The following HK2 variants were observed in gnomAD, a reference collection of about 807,000 sequenced individuals.
HK2 encodes hexokinase-2.
Under a neutral mutation model 92.9 loss-of-function variants are expected in HK2, and 42 were observed. The observed-to-expected ratio is 0.45, with a 90% CI of 0.35 to 0.58. The LOEUF (loss-of-function observed/expected upper bound fraction) is 0.58. Ranked by LOEUF, HK2 falls within the 20% of genes least tolerant of loss-of-function variation. HK2 has a pLI of 0.00. For synonymous variants in HK2, 422 were observed against 468.0 expected (o/e 0.90, Z 1.27); for missense variants, 978 against 1,245.1 (o/e 0.79, Z 3.23).
intron 4 of HK2, among the ~76,000 whole-genome samples, 156 bp downstream of exon 4, chr2:74,872,575 G>C (rs185371448): frequency 5.0e-5 from 7 of 140,182 alleles, no homozygotes; most frequent in Non-Finnish European, 7.7e-5. Flanking sequence ...TCGATGGGGG[G>C]GCTGGTGAAG....
chr2:74,850,595 C>G (rs1388592118), intron 1 of HK2, among the ~76,000 whole-genome samples: 1 of 152,184 alleles, frequency 6.6e-6, no homozygotes, highest in African/African-American at 2.4e-5. Context: ...GTGTGTACAT[C>G]TGCTATCACC....
chr2:74,864,039 T>C (rs142930964), intron 2 of HK2, among the ~76,000 whole-genome samples: 5 of 152,180 alleles, frequency 3.3e-5, no homozygotes, highest in Non-Finnish European at 7.4e-5. Context: ...GAAAGTCCCA[T>C]GTCATAGGAA....
At chr2:74,876,963 A>C (rs1689247740) in intron 7 of HK2, among the ~76,000 whole-genome samples, 1 of 152,160 alleles carries the variant, frequency 6.6e-6, no homozygotes, top group South Asian at 2.1e-4. Context: ...TCTTCTCCAT[A>C]GGTCAAGGCC....
At chr2:74,847,469 G>A (rs1457861887) in intron 1 of HK2, among the ~76,000 whole-genome samples, 1 of 152,142 alleles carries the variant, frequency 6.6e-6, no homozygotes, top group Non-Finnish European at 1.5e-5. Flanking sequence ...CTTAAGGCCA[G>A]GAGTTTGAGA....
At chr2:74,884,457 C>T (rs1689473572) in intron 12 of HK2, among the ~76,000 whole-genome samples, 1 of 152,238 alleles carries the variant, frequency 6.6e-6, no homozygotes, top group Admixed American at 6.5e-5. Flanking sequence ...TTTGAACATC[C>T]CGTAAACACA....
At chr2:74,849,509 G>T (rs1688517246) in intron 1 of HK2, among the ~76,000 whole-genome samples, 1 of 152,186 alleles carries the variant, frequency 6.6e-6, no homozygotes. Flanking sequence ...AGCCTGGAAT[G>T]CCCCCTCCTC....
chr2:74,855,053 A>G (rs1401693253), intron 2 of HK2, among the ~76,000 whole-genome samples: 4 of 152,152 alleles, frequency 2.6e-5, no homozygotes, highest in Non-Finnish European at 5.9e-5. Flanking sequence ...CTGGCGTGCA[A>G]TGATGCGATC....
intron 6 of HK2, 90 bp from the exon 7 acceptor site, chr2:74,874,176 C>A: frequency 6.6e-7 from 1 of 1,523,452 alleles, no homozygotes. Context: ...GCCATCCTGG[C>A]CGGGCAGTCT....
At chr2:74,890,542 C>G (rs374720010) in intron 17 of HK2, among the ~76,000 whole-genome samples, 2 of 152,230 alleles carry the variant, frequency 1.3e-5, no homozygotes, top group South Asian at 2.1e-4. Flanking sequence ...ACGTTTGTCC[C>G]AGAATTGAAT....
intron 1 of HK2, among the ~76,000 whole-genome samples, chr2:74,837,166 A>G (rs937619729): frequency 6.6e-5 from 10 of 152,240 alleles, no homozygotes; most frequent in African/African-American, 2.4e-4. Context: ...TGTTATTAGC[A>G]TCCCTGTTTA....
chr2:74,866,616 G>A (rs964489711), intron 2 of HK2, among the ~76,000 whole-genome samples: 3 of 152,194 alleles, frequency 2.0e-5, no homozygotes, highest in Non-Finnish European at 4.4e-5. Context: ...TTCCTGGAGG[G>A]TAGGAACTGC....
Position 74,885,572 on chromosome 2 carries a change from G to A in HK2, c.1918G>A (p.Ala640Thr). 2 of 1,613,180 alleles carry A rather than the reference G, an allele frequency of 1.2e-6. No homozygotes were observed. Among genetic ancestry groups the A allele is most frequent in the Non-Finnish European group, 1.7e-6 (2 of 1,179,134 alleles). The part of the protein sequence containing the change: ...GEDVVTLLKE[A>T]IHRREEFDLD... ...GGACGTGGTGACCCTGCTGAAGGAA[G>A]CGATCCACCGGCGAGAGGTAGGAGA... The change falls in exon 13 of 18, where the codon GCG becomes ACG. Residue 640 changes from alanine to threonine, a missense_variant. Transcript: ENST00000290573.
chr2:74,857,140 C>T (rs1179952875), intron 2 of HK2, among the ~76,000 whole-genome samples: 1 of 152,146 alleles, frequency 6.6e-6, no homozygotes. Flanking sequence ...TGCAGGAAAC[C>T]CACACCTAAT....
chr2:74,845,623 G>A (rs1382657146), intron 1 of HK2, among the ~76,000 whole-genome samples: 2 of 152,240 alleles, frequency 1.3e-5, no homozygotes, highest in African/African-American at 2.4e-5. Context: ...TCAGCTCTGC[G>A]CTTACCCGCT....
In HK2 at chr2:74,893,100, C is replaced by T. The variant is rs1316471328; in HGVS notation, c.*2159C>T. The T allele has an allele frequency of 6.8e-6, 1 of 148,130 alleles. No homozygotes were observed. The highest frequency in any genetic ancestry group is 2.5e-5 in the African/African-American group (1 of 40,042). The allele number at this position is 148,130 out of a possible 1,614,324, so 9.2% of individuals were successfully genotyped here. ...GTATTAAAGATGTGTTGTTGGTTTC[C>T]AAAAAGGAACACTGGAAAATAAATT... On this transcript the variant is annotated 3_prime_UTR_variant, in exon 18 of 18. Coordinates refer to ENST00000290573, the MANE Select transcript of HK2 (RefSeq NM_000189.5).
intron 1 of HK2, among the ~76,000 whole-genome samples, chr2:74,836,194 A>C (rs1206699899): frequency 6.6e-6 from 1 of 152,200 alleles, no homozygotes; most frequent in African/African-American, 2.4e-5. Context: ...TAAAATACAC[A>C]GTGGAGCGTC....
intron 15 of HK2, 151 bp from the exon 16 acceptor site, chr2:74,887,752 C>G (rs868328814): frequency 1.3e-6 from 1 of 750,136 alleles, no homozygotes; most frequent in Non-Finnish European, 2.4e-6. Flanking sequence ...GGATCCTGCC[C>G]AAGTGAATCA....
In HK2 at chr2:74,873,848, T is replaced by A; in HGVS notation, c.596T>A (p.Phe199Tyr). The change falls in exon 6 of 18, where the codon TTT becomes TAT. Residue 199 changes from phenylalanine (F) to tyrosine (Y), a missense_variant. This residue lies in a region of HK2 where 189 missense variants were observed against 289.5 expected (regional missense o/e 0.65). Coordinates refer to ENST00000290573, the MANE Select transcript of HK2 (RefSeq NM_000189.5). Reference sequence around the variant, plus strand: ...CCCTCCCATTTGTCTCCACAGGACTTTGATATCGACATTGTGGCTGTGGTG... The same window carrying A: ...CCCTCCCATTTGTCTCCACAGGACTATGATATCGACATTGTGGCTGTGGTG... The part of the protein sequence containing the change: ...IRKAIQRRGD[F>Y]DIDIVAVVND... 6.2e-7 allele frequency: 1 copy of A among 1,613,268 alleles called. No homozygotes were observed. The highest frequency in any genetic ancestry group is 8.5e-7 in the Non-Finnish European group (1 of 1,179,392).
chr2:74,881,142 G>C (rs1006399428), intron 10 of HK2, among the ~76,000 whole-genome samples: 1 of 152,236 alleles, frequency 6.6e-6, no homozygotes, highest in African/African-American at 2.4e-5. Flanking sequence ...GCAAAGTTGA[G>C]TGGTGGCAGC....
Sources: allele counts gnomAD v4.1 joint callset (sites outside exome capture counted in the v4.1 genomes callset), GRCh38; gene constraint gnomAD v4.1.1; regional missense constraint gnomAD v4.1.1; transcripts MANE v1.5; gene names NCBI Gene and HGNC (gene_info 2026-07-23, HGNC 2026-07-21).